Variants in KIF14 observed in about 807,000 individuals in gnomAD.
The protein encoded by KIF14 is kinesin-like protein KIF14.
In KIF14, 98 loss-of-function variants were observed where a neutral mutation model predicts 176.2. The observed-to-expected ratio is 0.56, with a 90% confidence interval of 0.47 to 0.66. KIF14 has a LOEUF of 0.66. Ranked by LOEUF, KIF14 falls within the 30% of genes least tolerant of loss-of-function variation. The pLI, the probability that KIF14 is intolerant of heterozygous loss-of-function variation, is 0.00. For synonymous variants in KIF14, 566 were observed against 632.2 expected (o/e 0.90, Z 1.57); for missense variants, 1,751 against 1,920.4 (o/e 0.91, Z 1.65).
chr1:200,586,760 A>G (rs1243456044), intron 18 of KIF14, among the ~76,000 whole-genome samples: 1 of 140,714 alleles, frequency 7.1e-6, no homozygotes, highest in Non-Finnish European at 1.5e-5. Flanking sequence ...TGAATGGATA[A>G]AGAAAATATG....
At chr1:200,579,694 T>A (rs558849268) in intron 21 of KIF14, among the ~76,000 whole-genome samples, 23 of 152,236 alleles carry the variant, frequency 1.5e-4, no homozygotes, top group South Asian at 6.2e-4. Context: ...AATTTGTCGG[T>A]GAGCATCAAA....
chr1:200,583,307 G>C (rs1658560382), intron 19 of KIF14, among the ~76,000 whole-genome samples: 1 of 152,030 alleles, frequency 6.6e-6, no homozygotes, highest in Non-Finnish European at 1.5e-5. Context: ...TATTAATATA[G>C]TTATGGCAAT....
rs1484434689 is a variant in KIF14 at position 200,606,736 on chromosome 1, A to G, written c.1607+10T>C. 1 of 1,611,834 alleles carries G rather than the reference A, an allele frequency of 6.2e-7. No homozygotes were observed. Among genetic ancestry groups the G allele is most frequent in the Non-Finnish European group, 8.5e-7 (1 of 1,178,182 alleles). The stretch of plus-strand genomic sequence containing the variant: ...TTATCCTCTTTGCCCTTGCTGAGCC[A>G]AATACTTACATTGACAGTGCTTCAA... On this transcript the variant is annotated intron_variant, in intron 6 of 29. Coordinates refer to ENST00000367350, the MANE Select transcript of KIF14 (RefSeq NM_014875.3).
In KIF14 at chr1:200,559,700, A is replaced by C. The variant is rs148032194; in HGVS notation, c.4231-248T>G. On this transcript the variant is annotated intron_variant, in intron 26 of 29. Transcript: ENST00000367350. ...TAGTATCCCATATATAACATATTGCAAAGAATGTTTATCATCTTTTAAGCA... is the reference window on the plus strand; with the variant it reads ...TAGTATCCCATATATAACATATTGCCAAGAATGTTTATCATCTTTTAAGCA... 1.5e-3 allele frequency among the ~76,000 whole-genome samples: 235 copies of C among 152,314 alleles called. 2 individuals carry two copies. Among genetic ancestry groups the C allele is most frequent in the Non-Finnish European group, 2.5e-3 (169 of 68,024 alleles).
intron 22 of KIF14, among the ~76,000 whole-genome samples, chr1:200,575,364 G>A (rs558947520): frequency 3.9e-4 from 59 of 152,160 alleles, no homozygotes; most frequent in African/African-American, 1.4e-3. Flanking sequence ...TGAAAAACTG[G>A]TTTCTCTTCT....
intron 27 of KIF14, among the ~76,000 whole-genome samples, chr1:200,556,939 T>C (rs1277874317): frequency 1.3e-5 from 2 of 152,360 alleles, no homozygotes; most frequent in East Asian, 3.9e-4. Flanking sequence ...GAGCGCAAGC[T>C]TGATTTAGTG....
intron 26 of KIF14, among the ~76,000 whole-genome samples, chr1:200,560,281 G>GTT (rs11405600): frequency 0.085 from 12,877 of 151,522 alleles, 590 homozygotes; most frequent in Non-Finnish European, 0.097. Context: ...GTTTTGTTGG[G>GTT]TTTTTTTTGA....
At chr1:200,599,238 C>G (rs1659512022) in intron 13 of KIF14, among the ~76,000 whole-genome samples, 1 of 152,180 alleles carries the variant, frequency 6.6e-6, no homozygotes, top group South Asian at 2.1e-4. Context: ...ATTTCCTTGG[C>G]CTGGAAATCA....
At chr1:200,610,000 A>G (rs1660071864) in intron 4 of KIF14, among the ~76,000 whole-genome samples, 1 of 152,242 alleles carries the variant, frequency 6.6e-6, no homozygotes, top group Non-Finnish European at 1.5e-5. Context: ...AGGTAAATTC[A>G]TAGAACAAAA....
chr1:200,571,731 G>A (rs578033601), intron 22 of KIF14, among the ~76,000 whole-genome samples: 2 of 152,240 alleles, frequency 1.3e-5, no homozygotes, highest in Admixed American at 6.5e-5. Context: ...TGATAAAAGG[G>A]AAAGGAAATA....
intron 23 of KIF14, among the ~76,000 whole-genome samples, chr1:200,566,465 C>G (rs747851268): frequency 1.3e-4 from 19 of 151,730 alleles, no homozygotes; most frequent in Non-Finnish European, 2.8e-4. Context: ...TGGTGGCACA[C>G]GCCTGTAGTT....
At chr1:200,588,951 G>A (rs1658900597) in intron 18 of KIF14, among the ~76,000 whole-genome samples, 1 of 152,162 alleles carries the variant, frequency 6.6e-6, no homozygotes, top group Admixed American at 6.5e-5. Context: ...TACTTGGCAT[G>A]ACTGATGACC....
chr1:200,619,846 T>C (rs945287070), intron 1 of KIF14, among the ~76,000 whole-genome samples: 1 of 152,226 alleles, frequency 6.6e-6, no homozygotes, highest in Non-Finnish European at 1.5e-5. Context: ...CAGAGGTGTA[T>C]GTAAATATAC....
Position 200,602,039 on chromosome 1 carries a change from G to A in KIF14, c.2009C>T (p.Ser670Leu). 6.2e-7 allele frequency: 1 copy of A among 1,612,716 alleles called. No homozygotes were observed. Among genetic ancestry groups the A allele is most frequent in the African/African-American group, 1.3e-5 (1 of 74,934 alleles). Residue 670 changes from serine (S) to leucine (L), a missense_variant, in exon 11 of 30, where the codon TCA (serine) becomes TTA (leucine). By Grantham distance (145) the Ser-to-Leu change is moderately radical. Coordinates refer to ENST00000367350, the MANE Select transcript of KIF14 (RefSeq NM_014875.3). The stretch of plus-strand genomic sequence containing the variant: ...AATCGTAGCAATCATTGCAGTTTTT[G>A]AATTTCCACCCAGACTTTCTTTTAA... ...WLLKESLGGNSKTAMIATISP... is the reference protein window; with the variant it reads ...WLLKESLGGNLKTAMIATISP...
chr1:200,553,785 G>T lies in KIF14; in HGVS notation c.4568-18C>A. On this transcript the variant is annotated intron_variant, in intron 29 of 29. Coordinates refer to ENST00000367350, the MANE Select transcript of KIF14 (RefSeq NM_014875.3). ...ATGGCATCCTATATGCAAGAGAGGA[G>T]GGAAAAGTTAATTAGCCTTTTCAGT... The T allele has an allele frequency of 6.4e-7, 1 of 1,557,416 alleles. No homozygotes were observed. Among genetic ancestry groups the T allele is most frequent in the South Asian group, 1.2e-5 (1 of 82,136 alleles).
At chr1:200,575,177 C>T (rs570137053) in intron 22 of KIF14, among the ~76,000 whole-genome samples, 237 of 152,006 alleles carry the variant, frequency 1.6e-3, no homozygotes, top group African/African-American at 5.4e-3. Flanking sequence ...AGGATGGTCT[C>T]GATCTCCTGA....
At chr1:200,594,536 G>C (rs999564411) in intron 14 of KIF14, among the ~76,000 whole-genome samples, 1 of 151,948 alleles carries the variant, frequency 6.6e-6, no homozygotes, top group African/African-American at 2.4e-5. Flanking sequence ...TTGAAAAGTA[G>C]GGTACTACAG....
At position 200,553,708 on chromosome 1, in the gene KIF14, T is replaced by G; in HGVS notation, c.4627A>C (p.Ser1543Arg). The G allele has an allele frequency of 6.2e-7, 1 of 1,612,398 alleles. No individual in the cohort carries two copies. The highest frequency in any genetic ancestry group is 8.5e-7 in the Non-Finnish European group (1 of 1,178,698). Residue 1543 changes from serine (S) to arginine (R), a missense_variant, in exon 30 of 30, where the codon AGT becomes CGT. Coordinates refer to ENST00000367350, the MANE Select transcript of KIF14 (RefSeq NM_014875.3). ...TCVESIRNLASDFYSDFSVPS... is the reference protein window; with the variant it reads ...TCVESIRNLARDFYSDFSVPS... The stretch of plus-strand genomic sequence containing the variant: ...ACACTGAAGTCACTGTAAAAATCAC[T>G]GGCCAAGTTGCGAATACTTTCAACA...
At chr1:200,558,054 C>T (rs1170707189) in intron 27 of KIF14, among the ~76,000 whole-genome samples, 1 of 152,306 alleles carries the variant, frequency 6.6e-6, no homozygotes, top group Admixed American at 6.5e-5. Flanking sequence ...CTCCTGGGCT[C>T]AAGTGATACT....
Sources: allele counts gnomAD v4.1 joint callset (sites outside exome capture counted in the v4.1 genomes callset), GRCh38; gene constraint gnomAD v4.1.1; transcripts MANE v1.5; gene names NCBI Gene and HGNC (gene_info 2026-07-23, HGNC 2026-07-21).